The following UTP20 variants were observed in gnomAD, a reference collection of about 807,000 sequenced individuals.
UTP20 encodes small subunit processome component 20 homolog.
Under a neutral mutation model 329.5 loss-of-function variants are expected in UTP20, and 164 were observed. The ratio of observed to expected loss-of-function variants is 0.50; its 90% confidence interval spans 0.44 to 0.57. The LOEUF (loss-of-function observed/expected upper bound fraction) is 0.57, where lower values mean the gene tolerates loss of function less well. Among genes scored for constraint, UTP20 ranks in the 20% least tolerant of loss-of-function variants. The pLI, the probability that UTP20 is intolerant of heterozygous loss-of-function variation, is 0.00. For missense variants in UTP20, 3,055 were observed against 3,284.2 expected, an observed-to-expected ratio of 0.93 and a Z score of 1.71; for synonymous variants, 1,151 against 1,159.3, an observed-to-expected ratio of 0.99 and a Z score of 0.14.
At chr12:101,298,967 C>T (rs943195821) in intron 12 of UTP20, among the ~76,000 whole-genome samples, 1 of 151,340 alleles carries the variant, frequency 6.6e-6, no homozygotes, top group African/African-American at 2.4e-5. Flanking sequence ...TATTCCACTT[C>T]TATTGCATAA....
intron 56 of UTP20, 75 bp downstream of exon 56, chr12:101,375,831 C>G: frequency 1.1e-6 from 1 of 910,456 alleles, no homozygotes; most frequent in Non-Finnish European, 1.7e-6. Context: ...TTGAGAAATT[C>G]GAATATGAAT....
At chr12:101,336,324 C>T (rs977196020) in intron 29 of UTP20, among the ~76,000 whole-genome samples, 1 of 152,146 alleles carries the variant, frequency 6.6e-6, no homozygotes, top group Non-Finnish European at 1.5e-5. Flanking sequence ...AGTGTAGTTG[C>T]AGTTTACATA....
chr12:101,355,073 A>C lies in UTP20; in HGVS notation c.5349A>C (p.Ile1783=). 6.2e-7 allele frequency: 1 copy of C among 1,614,182 alleles called. No homozygotes were observed. Among genetic ancestry groups the C allele is most frequent in the Non-Finnish European group, 8.5e-7 (1 of 1,180,034 alleles). The change falls in exon 41 of 62, where the codon ATA becomes ATC. Residue 1783 remains isoleucine (I), a synonymous_variant. Transcript: ENST00000261637. ...ERTIKNIQGT[I]TGDILPRLHK... is the part of the protein sequence containing the mutation. ...CAATTAAAAATATCCAAGGAACCAT[A>C]ACCGGGGATATTCTCCCCAGGCTAC...
At chr12:101,314,923 C>T (rs905091814) in intron 21 of UTP20, among the ~76,000 whole-genome samples, 8 of 150,946 alleles carry the variant, frequency 5.3e-5, no homozygotes, top group Non-Finnish European at 1.0e-4. Flanking sequence ...GAAATCCCGT[C>T]TCTACTAAAA....
At chr12:101,357,670 C>G (rs909622233) in intron 43 of UTP20, among the ~76,000 whole-genome samples, 1 of 152,178 alleles carries the variant, frequency 6.6e-6, no homozygotes, top group South Asian at 2.1e-4. Context: ...GGGAGGATTG[C>G]TTGAGCCTGG....
In UTP20 at chr12:101,338,241, G is replaced by A. The variant is rs990356408; in HGVS notation, c.3832G>A (p.Gly1278Arg). The A allele has an allele frequency of 6.2e-7, 1 of 1,614,010 alleles. No individual in the cohort carries two copies. Among genetic ancestry groups the A allele is most frequent in the Non-Finnish European group, 8.5e-7 (1 of 1,180,030 alleles). The change falls in exon 30 of 62, where the codon GGA becomes AGA. Residue 1278 changes from glycine to arginine, a missense_variant. Around this residue, in one of 3 missense-constraint regions of UTP20, gnomAD observed 2,445 missense variants for 2,575.5 expected, o/e 0.95. Coordinates refer to ENST00000261637, the MANE Select transcript of UTP20 (RefSeq NM_014503.3). Reference sequence around the variant, plus strand: ...AACAGTTTTGAACTTGCTGGTAACTGGATGTGTATACCCTGGCATAGCAGA... The same window carrying A: ...AACAGTTTTGAACTTGCTGGTAACTAGATGTGTATACCCTGGCATAGCAGA... ...TETVLNLLVT[G>R]CVYPGIAENI...
intron 11 of UTP20, among the ~76,000 whole-genome samples, chr12:101,293,469 A>C (rs1163346053): frequency 6.6e-6 from 1 of 152,222 alleles, no homozygotes; most frequent in East Asian, 1.9e-4. Flanking sequence ...AAATTGAAAA[A>C]ACAGTTTAAG....
At chr12:101,290,986 T>A in intron 8 of UTP20, 98 bp downstream of exon 8, 2 of 1,293,176 alleles carry the variant, frequency 1.5e-6, no homozygotes, top group Non-Finnish European at 2.1e-6. Flanking sequence ...AGTTATATTT[T>A]ATAATTGTTT....
In UTP20 at chr12:101,344,697, A is replaced by G. The variant is rs556113854; in HGVS notation, c.4552A>G (p.Ile1518Val). 3 of 1,613,566 alleles carry G rather than the reference A, an allele frequency of 1.9e-6. No homozygotes were observed. The highest frequency in any genetic ancestry group is 1.7e-6 in the Non-Finnish European group (2 of 1,179,464). ...NVTEKDYREI[I>V]HRSLLEKLRK... ...CACAGAGAAAGACTATAGAGAAATCATCCACCGTTCACTCCTGGAGAAATT... is the reference window on the plus strand; with the variant it reads ...CACAGAGAAAGACTATAGAGAAATCGTCCACCGTTCACTCCTGGAGAAATT... The change falls in exon 36 of 62, where the codon ATC (isoleucine) becomes GTC (valine). Residue 1518 changes from isoleucine (I) to valine (V), a missense_variant. Transcript: ENST00000261637.
At chr12:101,306,637 T>G (rs1450439376) in intron 16 of UTP20, 62 bp from the exon 17 acceptor site, 1 of 1,458,792 alleles carries the variant, frequency 6.9e-7, no homozygotes, top group Non-Finnish European at 9.4e-7. Flanking sequence ...TTGCTGACTG[T>G]GAATCAGTTT....
At chr12:101,303,888 T>C (rs1239342425) in intron 15 of UTP20, among the ~76,000 whole-genome samples, 1 of 152,262 alleles carries the variant, frequency 6.6e-6, no homozygotes, top group Admixed American at 6.5e-5. Flanking sequence ...ATTAACTTCC[T>C]GTAGAGAGGA....
At chr12:101,340,937 C>CTTTTTTTT (rs71091488) in intron 32 of UTP20, among the ~76,000 whole-genome samples, 15 of 83,020 alleles carry the variant, frequency 1.8e-4, no homozygotes, top group East Asian at 2.8e-4. Flanking sequence ...ATTGTGTAAT[C>CTTTTTTTT]TTTTTTTTTT....
intron 56 of UTP20, 55 bp downstream of exon 56, chr12:101,375,811 G>A (rs1295781582): frequency 1.8e-6 from 2 of 1,129,538 alleles, no homozygotes; most frequent in Non-Finnish European, 2.6e-6. Flanking sequence ...TAGAATTACT[G>A]AAAGTAGATT....
chr12:101,363,750 A>T lies in UTP20; in HGVS notation c.5958+7A>T. ...CATCCTTCCATTAAAAGAGGTAAGGACGTAAATGCAATTCTGGAGATCACA... is the reference window on the plus strand; with the variant it reads ...CATCCTTCCATTAAAAGAGGTAAGGTCGTAAATGCAATTCTGGAGATCACA... On this transcript the variant is annotated splice_region_variant and intron_variant, in intron 45 of 61. Coordinates refer to ENST00000261637, the MANE Select transcript of UTP20 (RefSeq NM_014503.3). 1 of 1,571,248 alleles carries T rather than the reference A, an allele frequency of 6.4e-7. No homozygotes were observed. Among genetic ancestry groups the T allele is most frequent in the Non-Finnish European group, 8.8e-7 (1 of 1,141,522 alleles).
chr12:101,375,524 G>A, intron 55 of UTP20, 100 bp from the exon 56 acceptor site: 4 of 1,246,106 alleles, frequency 3.2e-6, no homozygotes, highest in Non-Finnish European at 4.5e-6. Context: ...GAGTGCCGAG[G>A]GAGGTTCAGA....
chr12:101,374,300 G>C (rs1234057295), intron 54 of UTP20, among the ~76,000 whole-genome samples: 1 of 152,040 alleles, frequency 6.6e-6, no homozygotes, highest in African/African-American at 2.4e-5. Context: ...GTTATTGTTA[G>C]GAAAGTATTC....
rs1304865859 is a variant in UTP20, at chr12:101,355,125, A to C, written c.5394+7A>C. On this transcript the variant is annotated splice_region_variant and intron_variant, in intron 41 of 61. Coordinates refer to ENST00000261637, the MANE Select transcript of UTP20 (RefSeq NM_014503.3). Reference sequence around the variant, plus strand: ...TAAATGCCTTGCATCTACGGTAATAAATTTATTCGGGGTCCAGCAGGTCTG... The same window carrying C: ...TAAATGCCTTGCATCTACGGTAATACATTTATTCGGGGTCCAGCAGGTCTG... 2 of 1,609,810 alleles carry C rather than the reference A, an allele frequency of 1.2e-6. No homozygotes were observed. Among genetic ancestry groups the C allele is most frequent in the South Asian group, 1.1e-5 (1 of 90,602 alleles).
chr12:101,287,797 T>G (rs1872008232), intron 5 of UTP20, among the ~76,000 whole-genome samples: 1 of 152,250 alleles, frequency 6.6e-6, no homozygotes, highest in Non-Finnish European at 1.5e-5. Flanking sequence ...TGTCAGGCAC[T>G]TGAGATACAG....
chr12:101,307,028 A>G (rs963630387), intron 17 of UTP20, among the ~76,000 whole-genome samples: 3 of 151,936 alleles, frequency 2.0e-5, no homozygotes, highest in African/African-American at 7.3e-5. Flanking sequence ...AAAAAAAGAA[A>G]TTAGCCAGGC....
Sources: gnomAD v4.1 joint callset for allele counts (sites outside exome capture counted in the v4.1 genomes callset) on GRCh38, gnomAD v4.1.1 for gene constraint, gnomAD v4.1.1 regional missense constraint, MANE v1.5 for transcripts, NCBI Gene and HGNC (gene_info 2026-07-23, HGNC 2026-07-21) for gene names.